PPP2R5E: variants seen among roughly 807,000 people sequenced by gnomAD.
PPP2R5E encodes protein phosphatase 2 regulatory subunit B'epsilon.
In PPP2R5E, 4 loss-of-function variants were observed where a neutral mutation model predicts 65.3. That is an observed-to-expected ratio of 0.06 (90% CI 0.03 to 0.14). The LOEUF (loss-of-function observed/expected upper bound fraction) is 0.14, where lower values mean the gene tolerates loss of function less well. Among genes scored for constraint, PPP2R5E ranks in the 10% least tolerant of loss-of-function variants. PPP2R5E has a pLI of 1.00. For synonymous variants in PPP2R5E, 183 were observed against 187.4 expected (o/e 0.98, Z 0.19); for missense variants, 274 against 556.1 (o/e 0.49, Z 5.10).
intron 5 of PPP2R5E, among the ~76,000 whole-genome samples, chr14:63,399,366 CTTTTTTTTTTTTTT>C (rs397814218): frequency 4.1e-4 from 20 of 48,522 alleles, no homozygotes; most frequent in Admixed American, 1.3e-3. Flanking sequence ...GGATTTCTTT[CTTTTTTTTTTTTTT>C]TTTTTTTTTT....
chr14:63,451,119 C>T (rs748716375), intron 3 of PPP2R5E, among the ~76,000 whole-genome samples: 4 of 151,936 alleles, frequency 2.6e-5, no homozygotes, highest in Admixed American at 1.3e-4. Flanking sequence ...TAAACATACT[C>T]GTTACTTATA....
At chr14:63,420,144 C>T (rs987919926) in intron 4 of PPP2R5E, among the ~76,000 whole-genome samples, 6 of 152,140 alleles carry the variant, frequency 3.9e-5, no homozygotes, top group African/African-American at 1.4e-4. Context: ...AGAGTGGTCC[C>T]AATGTCTTCT....
chr14:63,390,117 A>G (rs1324986231), intron 10 of PPP2R5E, among the ~76,000 whole-genome samples: 1 of 152,046 alleles, frequency 6.6e-6, no homozygotes, highest in Non-Finnish European at 1.5e-5. Flanking sequence ...GCCCTCCTAA[A>G]TGGAAGAGGC....
chr14:63,380,269 G>A lies in PPP2R5E; in HGVS notation c.1304+1787C>T, dbSNP rs1470987372. ...CAACACAGTATTAAAATGTACCCTT[G>A]GCCGTTTTTTTAAGTAACATCCTTT... On this transcript the variant is annotated intron_variant, in intron 13 of 13. Coordinates refer to ENST00000337537, the MANE Select transcript of PPP2R5E (RefSeq NM_006246.5). Among the ~76,000 whole-genome samples the A allele has an allele frequency of 2.0e-5, 3 of 152,066 alleles. No homozygotes were observed. In the East Asian group the frequency reaches 5.8e-4, roughly 29 times the overall value.
intron 2 of PPP2R5E, among the ~76,000 whole-genome samples, chr14:63,511,837 G>C (rs1892464144): frequency 6.6e-6 from 1 of 152,050 alleles, no homozygotes. Flanking sequence ...CCAGCACTTT[G>C]GGAGGCCGAG....
chr14:63,446,341 A>G (rs1051598675), intron 3 of PPP2R5E, among the ~76,000 whole-genome samples: 1 of 152,184 alleles, frequency 6.6e-6, no homozygotes, highest in Admixed American at 6.5e-5. Context: ...TGAATCACAA[A>G]TGTTCTAAAT....
intron 13 of PPP2R5E, among the ~76,000 whole-genome samples, chr14:63,380,383 C>A (rs1268866477): frequency 6.6e-6 from 1 of 151,880 alleles, no homozygotes; most frequent in African/African-American, 2.4e-5. Flanking sequence ...TTGTTTAGGG[C>A]TGGGCGCGGT....
chr14:63,381,949 A>T, intron 13 of PPP2R5E, 107 bp downstream of exon 13: 1 of 822,008 alleles, frequency 1.2e-6, no homozygotes, highest in Admixed American at 2.7e-5. Flanking sequence ...CTGTAAACAA[A>T]ATTGTGCTGC....
rs544712943 is a variant in PPP2R5E at position 63,371,807 on chromosome 14, T to A, written c.*4202A>T. ...AGCATTACTAACAGGGAAAATGAAC[T>A]TTTGCTGCCCTCTCCTGCTAAAACA... On this transcript the variant is annotated 3_prime_UTR_variant, in exon 14 of 14. Coordinates refer to ENST00000337537, the MANE Select transcript of PPP2R5E (RefSeq NM_006246.5). 7 of 152,214 alleles carry A rather than the reference T, an allele frequency of 4.6e-5. No individual in the cohort carries two copies. In the East Asian group the frequency reaches 1.4e-3, roughly 29 times the overall value. The allele number at this position is 152,214 out of a possible 1,614,324, so 9.4% of individuals were successfully genotyped here.
chr14:63,515,491 A>C (rs1892633692), intron 2 of PPP2R5E, among the ~76,000 whole-genome samples: 1 of 152,100 alleles, frequency 6.6e-6, no homozygotes. Context: ...ACCTACTTCA[A>C]ATACACATAA....
intron 2 of PPP2R5E, among the ~76,000 whole-genome samples, chr14:63,458,900 T>G (rs758650897): frequency 6.6e-6 from 1 of 152,190 alleles, no homozygotes; most frequent in Non-Finnish European, 1.5e-5. Flanking sequence ...TATTACTCAC[T>G]TAGCCCTTTT....
At chr14:63,376,271 T>C (rs562014617) in intron 13 of PPP2R5E, among the ~76,000 whole-genome samples, 163 bp from the exon 14 acceptor site, 1 of 152,334 alleles carries the variant, frequency 6.6e-6, no homozygotes, top group South Asian at 2.1e-4. Context: ...CTTATATGCA[T>C]CAGTTATTGT....
chr14:63,496,284 C>T (rs1891563079), intron 2 of PPP2R5E, among the ~76,000 whole-genome samples: 1 of 151,886 alleles, frequency 6.6e-6, no homozygotes. Context: ...AGGCAGATCA[C>T]CTGAGGTCAG....
At chr14:63,508,221 C>T in intron 2 of PPP2R5E, 2 of 985,502 alleles carry the variant, frequency 2.0e-6, no homozygotes, top group Non-Finnish European at 2.4e-6. Context: ...TTTGGAGCCA[C>T]TATGCACACA....
intron 2 of PPP2R5E, among the ~76,000 whole-genome samples, chr14:63,470,695 T>C (rs1473814027): frequency 6.7e-6 from 1 of 148,518 alleles, no homozygotes; most frequent in Non-Finnish European, 1.5e-5. Context: ...TTTCACAGGA[T>C]CATAAAAACA....
Position 63,542,914 on chromosome 14 carries a change from G to T in PPP2R5E, c.-143C>A. The T allele has an allele frequency of 6.5e-6, 1 of 153,080 alleles. No individual in the cohort carries two copies. The highest frequency in any genetic ancestry group is 2.0e-4 in the South Asian group (1 of 5,080). 9.5% of individuals were successfully genotyped at this position (153,080 alleles called of 1,614,324 possible). A position where few individuals can be genotyped will look rare whatever the true frequency, so the allele number is the denominator to read the frequency against. On this transcript the variant is annotated 5_prime_UTR_variant, in exon 1 of 14. Coordinates refer to ENST00000337537, the MANE Select transcript of PPP2R5E (RefSeq NM_006246.5). ...GGTCCGGGCAGCTGCGGGGAGCCTG[G>T]GGCGACGGCTGTCCGGTACGGGGTC...
At chr14:63,533,327 C>T (rs905402676) in intron 2 of PPP2R5E, among the ~76,000 whole-genome samples, 2 of 151,996 alleles carry the variant, frequency 1.3e-5, no homozygotes, top group African/African-American at 4.8e-5. Context: ...TTTGGGAAGC[C>T]GAGGCAGGCA....
At chr14:63,475,538 T>C (rs369920060) in intron 2 of PPP2R5E, among the ~76,000 whole-genome samples, 5 of 152,362 alleles carry the variant, frequency 3.3e-5, no homozygotes, top group African/African-American at 9.6e-5. Context: ...GGGATGGATA[T>C]CCAGATGTTC....
At chr14:63,423,352 C>T (rs764715935) in intron 3 of PPP2R5E, among the ~76,000 whole-genome samples, 8 of 152,338 alleles carry the variant, frequency 5.3e-5, no homozygotes, top group Admixed American at 2.6e-4. Context: ...CCACTTCAGC[C>T]TCCCAAAGTG....
Sources: gnomAD v4.1 joint callset for allele counts (sites outside exome capture counted in the v4.1 genomes callset) on GRCh38, gnomAD v4.1.1 for gene constraint, MANE v1.5 for transcripts, NCBI Gene and HGNC (gene_info 2026-07-23, HGNC 2026-07-21) for gene names.